AGBL1: variants seen among roughly 807,000 people sequenced by gnomAD.
The protein encoded by AGBL1 is cytosolic carboxypeptidase 4.
A neutral mutation model predicts 118.9 loss-of-function variants in AGBL1; 130 were observed. The observed-to-expected ratio is 1.09, with a 90% CI of 0.95 to 1.26. The LOEUF (loss-of-function observed/expected upper bound fraction) is 1.26, where lower values mean the gene tolerates loss of function less well. Ranked by LOEUF, AGBL1 falls within the 50% of genes most tolerant of loss-of-function variation. AGBL1 has a pLI of 0.00. For missense variants in AGBL1, 1,584 were observed against 1,298.1 expected, an observed-to-expected ratio of 1.22 and a Z score of -3.38; for synonymous variants, 555 against 478.9, an observed-to-expected ratio of 1.16 and a Z score of -2.08.
At chr15:86,735,731 G>T (rs1312539182) in intron 22 of AGBL1, among the ~76,000 whole-genome samples, 1 of 150,666 alleles carries the variant, frequency 6.6e-6, no homozygotes, top group Non-Finnish European at 1.5e-5. Flanking sequence ...GTCAAATGAA[G>T]GTAAATTTTT....
At chr15:86,279,564 C>A in intron 15 of AGBL1, 75 bp from the exon 16 acceptor site, 1 of 1,425,984 alleles carries the variant, frequency 7.0e-7, no homozygotes, top group East Asian at 2.3e-5. Context: ...TTTATAGCAT[C>A]TAGGACCCTA....
intron 18 of AGBL1, among the ~76,000 whole-genome samples, chr15:86,407,960 A>T (rs2081554696): frequency 6.6e-6 from 1 of 152,098 alleles, no homozygotes; most frequent in Non-Finnish European, 1.5e-5. Context: ...AGGGCAGAGG[A>T]CCAGGACTCC....
chr15:86,437,261 C>A (rs1373871510), intron 18 of AGBL1, among the ~76,000 whole-genome samples: 1 of 152,162 alleles, frequency 6.6e-6, no homozygotes, highest in Non-Finnish European at 1.5e-5. Context: ...CAAAACTCCC[C>A]TCTCCGAGTC....
intron 6 of AGBL1, among the ~76,000 whole-genome samples, chr15:86,228,585 AGGCG>A (rs1233847860): frequency 1.3e-5 from 2 of 152,206 alleles, no homozygotes; most frequent in African/African-American, 4.8e-5. Context: ...AAGTAGTGAC[AGGCG>A]GAGGTCATCC....
chr15:86,585,198 G>T (rs1212393413), intron 21 of AGBL1, among the ~76,000 whole-genome samples: 4 of 152,006 alleles, frequency 2.6e-5, no homozygotes, highest in African/African-American at 9.7e-5. Flanking sequence ...TGATTGCTCT[G>T]GCTAGTACTT....
intron 18 of AGBL1, among the ~76,000 whole-genome samples, chr15:86,413,137 C>G (rs2142012868): frequency 6.6e-6 from 1 of 152,184 alleles, no homozygotes; most frequent in East Asian, 1.9e-4. Context: ...TGAAAGACAT[C>G]TTACATTTCA....
At chr15:86,765,444 T>C (rs2078083531) in intron 22 of AGBL1, among the ~76,000 whole-genome samples, 1 of 151,926 alleles carries the variant, frequency 6.6e-6, no homozygotes, top group South Asian at 2.1e-4. Flanking sequence ...TAGTGTATTA[T>C]AGCGAGGGCA....
chr15:86,321,566 C>T lies in AGBL1; in HGVS notation c.2374+26158C>T, dbSNP rs183297820. 1.3e-4 allele frequency among the ~76,000 whole-genome samples: 20 copies of T among 150,826 alleles called. No individual in the cohort carries two copies. The South Asian group carries it at 2.1e-3, about 16-fold the overall frequency. On this transcript the variant is annotated intron_variant, in intron 17 of 22. Transcript: ENST00000614907. ...GGTGGATCACCAGAGGTCAGGGGTTCGAGACCAGGCTGACCGACATGGCAA... is the reference window on the plus strand; with the variant it reads ...GGTGGATCACCAGAGGTCAGGGGTTTGAGACCAGGCTGACCGACATGGCAA...
chr15:86,086,529 C>A (rs754711481), intron 1 of AGBL1, among the ~76,000 whole-genome samples: 4 of 152,112 alleles, frequency 2.6e-5, no homozygotes, highest in Non-Finnish European at 5.9e-5. Flanking sequence ...GAGCTAGGAA[C>A]AAAAGAATGA....
chr15:86,133,416 C>T (rs1336835268), intron 1 of AGBL1, among the ~76,000 whole-genome samples: 1 of 152,230 alleles, frequency 6.6e-6, no homozygotes, highest in African/African-American at 2.4e-5. Context: ...TTTATGCTCA[C>T]ATGTCACAAT....
intron 21 of AGBL1, among the ~76,000 whole-genome samples, chr15:86,607,031 A>T (rs975348308): frequency 6.6e-6 from 1 of 151,360 alleles, no homozygotes; most frequent in Non-Finnish European, 1.5e-5. Flanking sequence ...TAGTTTTGCC[A>T]TTTCCAGAAT....
rs1431245600 is a variant in AGBL1, at chr15:86,081,377, A to AAAGTTT, written c.51+1358_51+1363dup. 1.6e-4 allele frequency among the ~76,000 whole-genome samples: 24 copies of AAAGTTT among 152,298 alleles called. No homozygotes were observed. The East Asian group carries it at 2.5e-3, about 16-fold the overall frequency. On this transcript the variant is annotated intron_variant, in intron 1 of 22. Transcript: ENST00000614907. ...ATTCTTAAGAAGATTTGTATTCCTG[A>AAAGTTT]AAGTTTAAGAACCAATAAGTGCAAC...
intron 22 of AGBL1, among the ~76,000 whole-genome samples, chr15:86,868,439 G>A (rs2079668354): frequency 1.3e-5 from 2 of 152,210 alleles, no homozygotes; most frequent in Admixed American, 1.3e-4. Context: ...ACCAAGCTAA[G>A]GGAATTCTTT....
intron 9 of AGBL1, among the ~76,000 whole-genome samples, chr15:86,258,339 T>C (rs2078930676): frequency 6.6e-6 from 1 of 152,210 alleles, no homozygotes; most frequent in African/African-American, 2.4e-5. Flanking sequence ...GTTGGTATAT[T>C]TGATAAGACC....
intron 23 of AGBL1, among the ~76,000 whole-genome samples, chr15:86,965,691 A>G (rs1303590940): frequency 3.9e-5 from 6 of 152,144 alleles, no homozygotes; most frequent in African/African-American, 1.4e-4. Context: ...GGATGAGTTC[A>G]TGTCCTTTGC....
At chr15:86,208,604 T>G (rs1026192228) in intron 5 of AGBL1, among the ~76,000 whole-genome samples, 3 of 152,150 alleles carry the variant, frequency 2.0e-5, no homozygotes, top group African/African-American at 7.2e-5. Flanking sequence ...AGTTTATTTG[T>G]GTAGAGGTGT....
chr15:86,511,433 C>T (rs1038784164), intron 18 of AGBL1, among the ~76,000 whole-genome samples: 1 of 152,136 alleles, frequency 6.6e-6, no homozygotes, highest in East Asian at 1.9e-4. Context: ...CCTTTTCATC[C>T]ATTGCAAACA....
chr15:86,674,756 T>C (rs904941971), intron 22 of AGBL1, among the ~76,000 whole-genome samples: 2 of 152,190 alleles, frequency 1.3e-5, no homozygotes, highest in Non-Finnish European at 2.9e-5. Context: ...TGTTTATATG[T>C]ATACAGATAA....
chr15:86,364,400 G>A (rs2080848782), intron 17 of AGBL1, among the ~76,000 whole-genome samples: 1 of 152,176 alleles, frequency 6.6e-6, no homozygotes, highest in Non-Finnish European at 1.5e-5. Context: ...GAGTTAGTAA[G>A]CATTTGAGCC....
Sources: gnomAD v4.1 joint callset for allele counts (sites outside exome capture counted in the v4.1 genomes callset) on GRCh38, gnomAD v4.1.1 for gene constraint, MANE v1.5 for transcripts, NCBI Gene and HGNC (gene_info 2026-07-23, HGNC 2026-07-21) for gene names.